The following BTAF1 variants were observed in gnomAD, a reference collection of about 807,000 sequenced individuals.
BTAF1 encodes the protein B-TFIID TATA-box binding protein associated factor 1.
BTAF1 carries 38 observed loss-of-function variants against 227.1 expected under a neutral mutation model. The ratio of observed to expected loss-of-function variants is 0.17; its 90% CI spans 0.13 to 0.22. The LOEUF is 0.22. BTAF1 is among the 10% of genes least tolerant of loss of function. The pLI, the probability that BTAF1 is intolerant of heterozygous loss-of-function variation, is 1.00. For synonymous variants in BTAF1, 742 were observed against 751.9 expected, an observed-to-expected ratio of 0.99 and a Z score of 0.21; for missense variants, 1,598 against 2,204.0, an observed-to-expected ratio of 0.73 and a Z score of 5.51.
chr10:91,976,832 A>G (rs765576563), intron 14 of BTAF1, among the ~76,000 whole-genome samples: 1 of 152,210 alleles, frequency 6.6e-6, no homozygotes, highest in Non-Finnish European at 1.5e-5. Flanking sequence ...GTGGTAAGAG[A>G]CAAGGCCTTT....
chr10:91,962,769 CCTT>C (rs775318610), intron 12 of BTAF1, 91 bp downstream of exon 12: 41 of 1,225,904 alleles, frequency 3.3e-5, no homozygotes, highest in Non-Finnish European at 4.0e-5. Flanking sequence ...ACATTTTTCT[CCTT>C]CATCTTCAAT....
chr10:91,961,177 C>T (rs772288260), intron 11 of BTAF1, among the ~76,000 whole-genome samples: 65 of 152,040 alleles, frequency 4.3e-4, no homozygotes, highest in Non-Finnish European at 7.9e-4. Flanking sequence ...AAAGAAGAGA[C>T]GTGGAAGTAA....
chr10:92,027,326 A>G (rs1851584312), intron 37 of BTAF1, 26 bp downstream of exon 37: 2 of 1,571,628 alleles, frequency 1.3e-6, no homozygotes, highest in Middle Eastern at 1.7e-4. Flanking sequence ...AATTTGTTGT[A>G]TCTTTGAGTC....
At position 91,982,741 on chromosome 10, in the gene BTAF1, G is replaced by C. The variant is rs772357140; in HGVS notation, c.2203G>C (p.Glu735Gln). ...QRISVALVIC[E>Q]WAALQKECKA... Reference sequence around the variant, plus strand: ...GATTAGTGTAGCTTTGGTAATCTGTGAATGGGCTGCTTTACAAAAGGTAAG... The same window carrying C: ...GATTAGTGTAGCTTTGGTAATCTGTCAATGGGCTGCTTTACAAAAGGTAAG... Residue 735 changes from glutamate (E) to glutamine (Q), a missense_variant, in exon 18 of 38, where the codon GAA becomes CAA. By Grantham distance (29) the Glu-to-Gln change is conservative. Around this residue, in one of 10 missense-constraint regions of BTAF1, gnomAD observed 318 missense variants for 435.0 expected, o/e 0.73. Coordinates refer to ENST00000265990, the MANE Select transcript of BTAF1 (RefSeq NM_003972.3). The C allele has an allele frequency of 1.2e-6, 2 of 1,609,508 alleles. No homozygotes were observed. Among genetic ancestry groups the C allele is most frequent in the South Asian group, 2.2e-5 (2 of 90,090 alleles).
intron 14 of BTAF1, among the ~76,000 whole-genome samples, chr10:91,972,947 A>T (rs1847408308): frequency 6.6e-6 from 1 of 152,242 alleles, no homozygotes; most frequent in East Asian, 1.9e-4. Context: ...ACAATTCATT[A>T]TTCTAAAATT....
Position 91,994,518 on chromosome 10 carries a change from A to C in BTAF1, c.3200-17A>C. ...AAAAATTATTTGCCAGATAATACAG[A>C]CAATATATTTTAACAGATGGAAAAT... is the stretch of plus-strand genomic sequence containing the variant. On this transcript the variant is annotated splice_polypyrimidine_tract_variant and intron_variant, in intron 22 of 37. Transcript: ENST00000265990. 1 of 1,567,172 alleles carries C rather than the reference A, an allele frequency of 6.4e-7. No homozygotes were observed. The highest frequency in any genetic ancestry group is 1.4e-5 in the African/African-American group (1 of 73,566).
At chr10:91,968,152 A>G (rs1420336610) in intron 14 of BTAF1, among the ~76,000 whole-genome samples, 1 of 152,208 alleles carries the variant, frequency 6.6e-6, no homozygotes, top group Non-Finnish European at 1.5e-5. Context: ...TTACAGTATC[A>G]TACAGAGTAG....
chr10:91,985,944 G>A (rs940151161), intron 19 of BTAF1, among the ~76,000 whole-genome samples: 1 of 151,338 alleles, frequency 6.6e-6, no homozygotes, highest in Non-Finnish European at 1.5e-5. Flanking sequence ...CTTTGGATGA[G>A]CAGATATTTT....
chr10:91,989,056 A>G (rs1347271326), intron 19 of BTAF1, 98 bp from the exon 20 acceptor site: 3 of 1,144,426 alleles, frequency 2.6e-6, no homozygotes, highest in Non-Finnish European at 3.6e-6. Flanking sequence ...GTGGAAACCA[A>G]AATTGAAACA....
rs374856888 is a variant in BTAF1, at chr10:91,994,657, T to C, written c.3309+13T>C. 21 of 1,583,772 alleles carry C rather than the reference T, an allele frequency of 1.3e-5. No individual in the cohort carries two copies. The highest frequency in any genetic ancestry group is 1.8e-5 in the Non-Finnish European group (21 of 1,153,584). ...GCTTCATCCCTTGGTAACTAACTAA[T>C]GCAAGTGTAATATTTCTTCAAATAA... On this transcript the variant is annotated intron_variant, in intron 23 of 37. Transcript: ENST00000265990.
chr10:91,979,873 G>A (rs1300252586), intron 14 of BTAF1, among the ~76,000 whole-genome samples: 1 of 152,106 alleles, frequency 6.6e-6, no homozygotes, highest in Non-Finnish European at 1.5e-5. Context: ...AATATTGTTA[G>A]TAATTATATG....
chr10:91,964,051 A>T, intron 12 of BTAF1, 26 bp from the exon 13 acceptor site: 1 of 1,610,542 alleles, frequency 6.2e-7, no homozygotes. Flanking sequence ...AAAATTGATA[A>T]CTTTTCTTGA....
In BTAF1 at chr10:91,939,973, G is replaced by A; in HGVS notation, c.160G>A (p.Ala54Thr). The change falls in exon 3 of 38, where the codon GCA becomes ACA. Residue 54 changes from alanine to threonine, a missense_variant. Coordinates refer to ENST00000265990, the MANE Select transcript of BTAF1 (RefSeq NM_003972.3). ...LSKVLIYLRS[A>T]NWDTRIAAGQ... ...TAAGGTGTTGATATATTTAAGGAGT[G>A]CAAATTGGGATACCCGGATTGCAGC... The A allele has an allele frequency of 6.2e-7, 1 of 1,612,164 alleles. No individual in the cohort carries two copies. The highest frequency in any genetic ancestry group is 8.5e-7 in the Non-Finnish European group (1 of 1,178,690).
chr10:91,939,429 C>A (rs1844849573), intron 2 of BTAF1, among the ~76,000 whole-genome samples: 1 of 152,092 alleles, frequency 6.6e-6, no homozygotes, highest in Non-Finnish European at 1.5e-5. Flanking sequence ...CTTAAACATT[C>A]TTTTATTACA....
At chr10:91,968,952 G>A (rs1193142634) in intron 14 of BTAF1, among the ~76,000 whole-genome samples, 2 of 151,336 alleles carry the variant, frequency 1.3e-5, no homozygotes, top group African/African-American at 4.9e-5. Context: ...TCCTGAACTC[G>A]TGGGCTCAAG....
rs188166296 is a variant in BTAF1 at position 91,940,555 on chromosome 10, A to G, written c.253+489A>G. On this transcript the variant is annotated intron_variant, in intron 3 of 37. Coordinates refer to ENST00000265990, the MANE Select transcript of BTAF1 (RefSeq NM_003972.3). ...TGATTGCCTGTAATGACATTTAAAA[A>G]CAAATTACATGCTTTTGAAAAGCTG... is the stretch of plus-strand genomic sequence containing the variant. Among the ~76,000 whole-genome samples the G allele has an allele frequency of 4.6e-4, 70 of 152,284 alleles. 1 individual carries two copies. Among genetic ancestry groups the G allele is most frequent in the African/African-American group, 1.7e-3 (69 of 41,580 alleles).
chr10:92,021,652 T>C (rs833369), intron 34 of BTAF1, among the ~76,000 whole-genome samples: 145,661 of 152,000 alleles, frequency 0.96, 70,134 homozygotes, highest in East Asian at 1. Context: ...CGCCATTCTC[T>C]TGCCTCAGCC....
At chr10:92,023,917 T>TC (rs1851311510) in intron 34 of BTAF1, among the ~76,000 whole-genome samples, 1 of 152,150 alleles carries the variant, frequency 6.6e-6, no homozygotes, top group East Asian at 1.9e-4. Flanking sequence ...TACAGGTGTA[T>TC]AAGCCCCCAC....
At chr10:91,978,097 A>T (rs1250743156) in intron 14 of BTAF1, among the ~76,000 whole-genome samples, 1 of 152,182 alleles carries the variant, frequency 6.6e-6, no homozygotes, top group East Asian at 1.9e-4. Flanking sequence ...ACATGATGTC[A>T]TGTATCCACA....
Sources: gnomAD v4.1 joint callset for allele counts (sites outside exome capture counted in the v4.1 genomes callset) on GRCh38, gnomAD v4.1.1 for gene constraint, gnomAD v4.1.1 regional missense constraint, MANE v1.5 for transcripts, NCBI Gene and HGNC (gene_info 2026-07-23, HGNC 2026-07-21) for gene names.